DGCR2: variants seen among roughly 807,000 people sequenced by gnomAD.
The protein encoded by DGCR2 is integral membrane protein DGCR2/IDD.
In DGCR2, 24 loss-of-function variants were observed where a neutral mutation model predicts 51.6. The ratio of observed to expected loss-of-function variants is 0.47; its 90% CI spans 0.34 to 0.65. The LOEUF is 0.65. Ranked by LOEUF, DGCR2 falls within the 30% of genes least tolerant of loss-of-function variation. The pLI is 0.01. For synonymous variants in DGCR2, 340 were observed against 315.4 expected, an observed-to-expected ratio of 1.08 and a Z score of -0.82; for missense variants, 765 against 772.1, an observed-to-expected ratio of 0.99 and a Z score of 0.11.
chr22:19,053,707 C>A (rs370022605), intron 6 of DGCR2, among the ~76,000 whole-genome samples: 3 of 152,144 alleles, frequency 2.0e-5, no homozygotes, highest in East Asian at 1.9e-4. Flanking sequence ...ACAAAACAAT[C>A]AAAAAACCAG....
chr22:19,083,593 C>T (rs1239388370), intron 2 of DGCR2, among the ~76,000 whole-genome samples: 1 of 152,166 alleles, frequency 6.6e-6, no homozygotes, highest in Non-Finnish European at 1.5e-5. Flanking sequence ...TCTTTAATGT[C>T]TCTTAATAAA....
chr22:19,119,496 G>T (rs1438536492), intron 1 of DGCR2, among the ~76,000 whole-genome samples: 1 of 152,114 alleles, frequency 6.6e-6, no homozygotes, highest in African/African-American at 2.4e-5. Flanking sequence ...AGCACTTTGG[G>T]AGGCCAAGGC....
At chr22:19,041,317 CG>C in intron 8 of DGCR2, 23 bp from the exon 9 acceptor site, 1 of 1,609,626 alleles carries the variant, frequency 6.2e-7, no homozygotes, top group Non-Finnish European at 8.5e-7. Context: ...AAGTGTGCAA[CG>C]GGAACAGAGA....
chr22:19,064,789 G>T, intron 4 of DGCR2, 59 bp downstream of exon 4: 1 of 1,513,198 alleles, frequency 6.6e-7, no homozygotes. Context: ...CAGAGGCCAT[G>T]TGCTCAGTAG....
rs969424510 is a variant in DGCR2, at chr22:19,112,086, A to C, written c.79+10042T>G. Reference sequence around the variant, plus strand: ...TCAGGAGTTCAAGACCAGCCTGGCCATCATGGCGAAACCCCATCTCCACTA... The same window carrying C: ...TCAGGAGTTCAAGACCAGCCTGGCCCTCATGGCGAAACCCCATCTCCACTA... On this transcript the variant is annotated intron_variant, in intron 1 of 9. Coordinates refer to ENST00000263196, the MANE Select transcript of DGCR2 (RefSeq NM_005137.3). 1.1e-4 allele frequency among the ~76,000 whole-genome samples: 17 copies of C among 152,186 alleles called. 1 individual carries two copies. In the East Asian group the frequency reaches 1.5e-3, roughly 14 times the overall value.
intron 2 of DGCR2, among the ~76,000 whole-genome samples, chr22:19,071,017 G>C (rs1445590272): frequency 2.0e-5 from 3 of 152,252 alleles, no homozygotes; most frequent in African/African-American, 7.2e-5. Flanking sequence ...TCTGACAGTA[G>C]AGAATGTCCC....
chr22:19,076,013 C>T lies in DGCR2; in HGVS notation c.203-7788G>A, dbSNP rs148206438. ...TTGCTCTGTCGCCCAAGCTGGAGTG[C>T]AGTGGCATGATCTCAGCTCACTGCA... On this transcript the variant is annotated intron_variant, in intron 2 of 9. Transcript: ENST00000263196. 7.8e-3 allele frequency among the ~76,000 whole-genome samples: 1,180 copies of T among 151,960 alleles called. 25 individuals carry two copies. Among genetic ancestry groups the T allele is most frequent in the African/African-American group, 0.027 (1,101 of 41,194 alleles).
intron 5 of DGCR2, among the ~76,000 whole-genome samples, chr22:19,062,089 T>G (rs2238743): frequency 0.49 from 74,985 of 152,066 alleles, 19,643 homozygotes; most frequent in African/African-American, 0.68. Context: ...GCTACCAGGA[T>G]AATTATGCTC....
At chr22:19,056,470 G>T in intron 6 of DGCR2, 1 of 548,826 alleles carries the variant, frequency 1.8e-6, no homozygotes, top group South Asian at 1.9e-5. Context: ...AGAAGCCTGT[G>T]ATGGTGAAGA....
intron 2 of DGCR2, among the ~76,000 whole-genome samples, chr22:19,081,277 C>T (rs371032671): frequency 7.2e-5 from 11 of 152,206 alleles, no homozygotes; most frequent in African/African-American, 2.7e-4. Context: ...GTCTTATATC[C>T]CTCTGTCTCT....
chr22:19,075,052 T>G (rs142555798), intron 2 of DGCR2, among the ~76,000 whole-genome samples: 1 of 150,680 alleles, frequency 6.6e-6, no homozygotes, highest in African/African-American at 2.5e-5. Flanking sequence ...AATTCCCTCC[T>G]CCCCCATCTC....
At chr22:19,086,335 C>T (rs2083015272) in intron 2 of DGCR2, among the ~76,000 whole-genome samples, 2 of 151,856 alleles carry the variant, frequency 1.3e-5, no homozygotes, top group African/African-American at 4.8e-5. Flanking sequence ...AAAAATTAGC[C>T]GGGTGTGGTA....
intron 1 of DGCR2, among the ~76,000 whole-genome samples, chr22:19,095,034 T>C (rs886945318): frequency 1.3e-5 from 2 of 152,222 alleles, no homozygotes; most frequent in Non-Finnish European, 2.9e-5. Flanking sequence ...TTATCTTGAC[T>C]GTGGTGACGG....
intron 2 of DGCR2, among the ~76,000 whole-genome samples, chr22:19,077,972 G>A (rs975800337): frequency 3.3e-5 from 5 of 152,002 alleles, no homozygotes; most frequent in Admixed American, 3.3e-4. Flanking sequence ...GGGACTACAG[G>A]TGCACCTCAC....
At chr22:19,068,310 C>A in intron 2 of DGCR2, 85 bp from the exon 3 acceptor site, 1 of 1,396,034 alleles carries the variant, frequency 7.2e-7, no homozygotes. Context: ...CCACTCAGGG[C>A]TGCAAGGCCG....
Position 19,038,345 on chromosome 22 carries a change from CAA to C in DGCR2, c.*518_*519del, listed in dbSNP as rs768694027. On this transcript the variant is annotated 3_prime_UTR_variant, in exon 10 of 10. Coordinates refer to ENST00000263196, the MANE Select transcript of DGCR2 (RefSeq NM_005137.3). The stretch of plus-strand genomic sequence containing the variant: ...GCCATCTTCAGTGCAACCGTTGTGA[CAA>C]AGTCAAGAGGCTGCCTCCCTGAAGC... The C allele has an allele frequency of 6.5e-6, 1 of 154,322 alleles. No homozygotes were observed. The highest frequency in any genetic ancestry group is 1.4e-5 in the Non-Finnish European group (1 of 69,434). 9.6% of individuals were successfully genotyped at this position (154,322 alleles called of 1,614,324 possible).
Position 19,121,776 on chromosome 22 carries a change from G to A in DGCR2, c.79+352C>T, listed in dbSNP as rs115610748. ...GCTGGCACTAGGCCACTGCTGGGAG[G>A]ACGTCTGTGAAACCAGGTGCCCCTG... On this transcript the variant is annotated intron_variant, in intron 1 of 9. Transcript: ENST00000263196. 1,299 of 178,442 alleles carry A rather than the reference G, an allele frequency of 7.3e-3. 20 individuals are homozygous for A. Among genetic ancestry groups the A allele is most frequent in the African/African-American group, 0.027 (1,155 of 42,344 alleles). 11.1% of individuals were successfully genotyped at this position (178,442 alleles called of 1,614,324 possible).
Position 19,106,725 on chromosome 22 carries a change from T to G in DGCR2, c.79+15403A>C, listed in dbSNP as rs532759872. Among the ~76,000 whole-genome samples, 5 of 152,172 alleles carry G rather than the reference T, an allele frequency of 3.3e-5. No individual in the cohort carries two copies. The South Asian group carries it at 1.0e-3, about 32-fold the overall frequency. On this transcript the variant is annotated intron_variant, in intron 1 of 9. Transcript: ENST00000263196. ...TTCTCAGAGGGGCTGACCCGCCTAC[T>G]CAGTGTCCCACATCAAGTTGGCAGC...
intron 6 of DGCR2, chr22:19,056,246 C>T (rs147855546): frequency 0.011 from 1,747 of 162,140 alleles, 28 homozygotes; most frequent in African/African-American, 0.039. Context: ...ACCTGGGAGG[C>T]GGAGCTTGCA....
Sources: gnomAD v4.1 joint callset for allele counts (sites outside exome capture counted in the v4.1 genomes callset) on GRCh38, gnomAD v4.1.1 for gene constraint, MANE v1.5 for transcripts, NCBI Gene and HGNC (gene_info 2026-07-23, HGNC 2026-07-21) for gene names.